PROS1: variants seen among roughly 807,000 people sequenced by gnomAD.
The protein encoded by PROS1 is protein S, also known as vitamin K-dependent protein S.
A neutral mutation model predicts 75.9 loss-of-function variants in PROS1; 29 were observed. The ratio of observed to expected loss-of-function variants is 0.38; its 90% CI spans 0.28 to 0.52. PROS1 has a LOEUF of 0.52. Ranked by LOEUF, PROS1 falls within the 20% of genes least tolerant of loss-of-function variation. The probability of loss-of-function intolerance (pLI) is 0.83; values close to 1 mark genes in which losing one functional copy is unlikely to be tolerated. For missense variants in PROS1, 680 were observed against 810.3 expected, an observed-to-expected ratio of 0.84 and a Z score of 1.95; for synonymous variants, 245 against 280.6, an observed-to-expected ratio of 0.87 and a Z score of 1.27.
chr3:93,956,390 AAGAGGC>A (rs1317435369), intron 1 of PROS1, among the ~76,000 whole-genome samples: 1 of 152,084 alleles, frequency 6.6e-6, no homozygotes, highest in Non-Finnish European at 1.5e-5. Context: ...CCAGCTACTC[AAGAGGC>A]TGAGGTAGGA....
intron 3 of PROS1, among the ~76,000 whole-genome samples, chr3:93,918,880 G>C (rs971358819): frequency 4.6e-5 from 7 of 152,202 alleles, no homozygotes; most frequent in African/African-American, 1.4e-4. Flanking sequence ...AAGTGTTCTT[G>C]AAAATATATA....
chr3:93,884,660 A>G, intron 12 of PROS1, 68 bp downstream of exon 12: 1 of 1,466,396 alleles, frequency 6.8e-7, no homozygotes, highest in Non-Finnish European at 9.5e-7. Context: ...CAAATAAATT[A>G]TTACTGTTTG....
At chr3:93,898,770 T>C (rs1186619757) in intron 7 of PROS1, among the ~76,000 whole-genome samples, 1 of 152,082 alleles carries the variant, frequency 6.6e-6, no homozygotes, top group Non-Finnish European at 1.5e-5. Flanking sequence ...AGTTTTTATT[T>C]ACATATTTGA....
rs1708133572 is a variant in PROS1, at chr3:93,873,274, TG to T, written c.*970del. 6.6e-6 allele frequency: 1 copy of T among 152,220 alleles called. No homozygotes were observed. Among genetic ancestry groups the T allele is most frequent in the Non-Finnish European group, 1.5e-5 (1 of 68,030 alleles). 9.4% of individuals were successfully genotyped at this position (152,220 alleles called of 1,614,324 possible). A position where few individuals can be genotyped will look rare whatever the true frequency, so the allele number is the denominator to read the frequency against. ...ATGCATCACAGTACCAGCAGGCACG[TG>T]GCAATCTTACCTCCTTACTTCTTTG... On this transcript the variant is annotated 3_prime_UTR_variant, in exon 15 of 15. Coordinates refer to ENST00000394236, the MANE Select transcript of PROS1 (RefSeq NM_000313.4).
chr3:93,880,133 C>T (rs1172155415), intron 12 of PROS1, among the ~76,000 whole-genome samples: 1 of 152,194 alleles, frequency 6.6e-6, no homozygotes, highest in African/African-American at 2.4e-5. Context: ...TAAGGAAAAT[C>T]ATTTTCCTTT....
chr3:93,936,079 T>TC (rs1328642213), intron 1 of PROS1, among the ~76,000 whole-genome samples: 2 of 151,174 alleles, frequency 1.3e-5, no homozygotes, highest in African/African-American at 4.9e-5. Flanking sequence ...ACTGAATGTG[T>TC]CCCCATCTCC....
chr3:93,903,583 T>C (rs1708629543), intron 6 of PROS1, among the ~76,000 whole-genome samples: 1 of 152,010 alleles, frequency 6.6e-6, no homozygotes, highest in South Asian at 2.1e-4. Context: ...GGTGGGAGGA[T>C]CTCCCAGGAG....
intron 10 of PROS1, among the ~76,000 whole-genome samples, chr3:93,888,411 T>C (rs566657414): frequency 2.0e-5 from 3 of 152,340 alleles, no homozygotes; most frequent in African/African-American, 7.2e-5. Context: ...TAAATTACTT[T>C]CCTTTTATTT....
In PROS1 at chr3:93,902,350, T is replaced by C. The variant is rs8178659; in HGVS notation, c.602-1421A>G. The stretch of plus-strand genomic sequence containing the variant: ...AAATCAGTAAAAATATGTCAATAAG[T>C]GTATTTGGTTTGAGGCATATTGCAG... On this transcript the variant is annotated intron_variant, in intron 6 of 14. Transcript: ENST00000394236. Among the ~76,000 whole-genome samples the C allele has an allele frequency of 7.4e-3, 1,119 of 152,150 alleles. 13 individuals are homozygous for C. Among genetic ancestry groups the C allele is most frequent in the Admixed American group, 8.0e-3 (122 of 15,286 alleles).
At chr3:93,948,180 G>T (rs536701559) in intron 1 of PROS1, among the ~76,000 whole-genome samples, 3 of 151,882 alleles carry the variant, frequency 2.0e-5, no homozygotes, top group African/African-American at 7.2e-5. Flanking sequence ...AAACAAGAAT[G>T]ACCCAAAAGA....
At chr3:93,903,619 G>A (rs542617354) in intron 6 of PROS1, among the ~76,000 whole-genome samples, 13 of 152,136 alleles carry the variant, frequency 8.5e-5, no homozygotes, top group South Asian at 4.1e-4. Context: ...AGTTGAGATC[G>A]TTCCACTGCA....
intron 1 of PROS1, among the ~76,000 whole-genome samples, chr3:93,970,367 C>T (rs373267207): frequency 5.9e-5 from 9 of 152,094 alleles, no homozygotes; most frequent in East Asian, 1.9e-4. Context: ...GACAGGATCT[C>T]GCTCTATCAC....
chr3:93,928,639 G>A, intron 1 of PROS1: 1 of 620,894 alleles, frequency 1.6e-6, no homozygotes, highest in South Asian at 1.8e-5. Flanking sequence ...TTGTTGAACA[G>A]CAACAATAAA....
At chr3:93,958,932 C>T (rs552571679) in intron 1 of PROS1, among the ~76,000 whole-genome samples, 32 of 152,210 alleles carry the variant, frequency 2.1e-4, no homozygotes, top group Admixed American at 1.1e-3. Flanking sequence ...TAATGGAGTA[C>T]GTAATCAATT....
chr3:93,936,008 T>A (rs1389000761), intron 1 of PROS1, among the ~76,000 whole-genome samples: 1 of 151,398 alleles, frequency 6.6e-6, no homozygotes, highest in Non-Finnish European at 1.5e-5. Context: ...ACTGTTTTTT[T>A]TTTCATAGTA....
intron 3 of PROS1, among the ~76,000 whole-genome samples, chr3:93,914,402 T>C (rs981797310): frequency 6.6e-6 from 1 of 152,208 alleles, no homozygotes; most frequent in Non-Finnish European, 1.5e-5. Flanking sequence ...TTATGAGGTA[T>C]GTACATTCCA....
chr3:93,888,716 ATCT>A (rs1406321887), intron 10 of PROS1, among the ~76,000 whole-genome samples: 2 of 152,150 alleles, frequency 1.3e-5, no homozygotes, highest in Admixed American at 6.5e-5. Context: ...TCAAACTGTC[ATCT>A]TCTCTCCGCT....
intron 1 of PROS1, among the ~76,000 whole-genome samples, chr3:93,929,293 C>T (rs1315706127): frequency 6.6e-6 from 1 of 151,974 alleles, no homozygotes; most frequent in South Asian, 2.1e-4. Context: ...GCCTGGATGA[C>T]AAAGAGAGAC....
At chr3:93,887,791 C>A (rs1708371775) in intron 10 of PROS1, among the ~76,000 whole-genome samples, 1 of 152,136 alleles carries the variant, frequency 6.6e-6, no homozygotes, top group Non-Finnish European at 1.5e-5. Flanking sequence ...AGGCCCCAGA[C>A]CTTTTTCCTG....
Sources: allele counts gnomAD v4.1 joint callset (sites outside exome capture counted in the v4.1 genomes callset), GRCh38; gene constraint gnomAD v4.1.1; transcripts MANE v1.5; gene names NCBI Gene and HGNC (gene_info 2026-07-23, HGNC 2026-07-21).